GAB2: variants seen among roughly 807,000 people sequenced by gnomAD.
The protein encoded by GAB2 is GRB2-associated-binding protein 2.
GAB2 carries 26 observed loss-of-function variants against 65.5 expected under a neutral mutation model. The observed-to-expected ratio is 0.40, with a 90% CI of 0.29 to 0.55. The LOEUF (loss-of-function observed/expected upper bound fraction) is 0.55, where lower values mean the gene tolerates loss of function less well. Among genes scored for constraint, GAB2 ranks in the 20% least tolerant of loss-of-function variants. The pLI is 0.53. For missense variants in GAB2, 884 were observed against 875.8 expected (o/e 1.01, Z -0.12); for synonymous variants, 321 against 329.6 (o/e 0.97, Z 0.28).
At chr11:78,342,259 C>G (rs961728162) in intron 1 of GAB2, among the ~76,000 whole-genome samples, 1 of 152,152 alleles carries the variant, frequency 6.6e-6, no homozygotes, top group African/African-American at 2.4e-5. Flanking sequence ...ATTCTCACAT[C>G]GCATTATTCC....
intron 1 of GAB2, among the ~76,000 whole-genome samples, chr11:78,345,088 C>A (rs1225408336): frequency 1.3e-5 from 2 of 152,006 alleles, no homozygotes; most frequent in Non-Finnish European, 2.9e-5. Context: ...AAGACCAGCC[C>A]GCGCAACATG....
intron 3 of GAB2, among the ~76,000 whole-genome samples, chr11:78,231,336 G>GTGTGTGTGTGTGT (rs1554975133): frequency 2.1e-5 from 3 of 145,796 alleles, no homozygotes; most frequent in Admixed American, 6.8e-5. Flanking sequence ...GCGCGTGTGT[G>GTGTGTGTGTGTGT]GTGTGTGTGT....
intron 3 of GAB2, 35 bp downstream of exon 3, chr11:78,250,122 C>T: frequency 6.2e-7 from 1 of 1,608,930 alleles, no homozygotes; most frequent in South Asian, 1.1e-5. Context: ...TGTGAGCGGT[C>T]ACTAACCCAC....
At chr11:78,314,340 C>T (rs1173078927) in intron 1 of GAB2, among the ~76,000 whole-genome samples, 9 of 152,236 alleles carry the variant, frequency 5.9e-5, no homozygotes, top group Non-Finnish European at 1.2e-4. Context: ...ATATGACATG[C>T]CAAAATTCTT....
chr11:78,393,142 T>C (rs889030237), intron 1 of GAB2, among the ~76,000 whole-genome samples: 2 of 152,160 alleles, frequency 1.3e-5, no homozygotes, highest in African/African-American at 4.8e-5. Context: ...AGGCAGGCCT[T>C]GAAACTGAGT....
rs1490679978 is a variant in GAB2, at chr11:78,216,790, G to A, written c.*2482C>T. 1.3e-5 allele frequency: 2 copies of A among 152,278 alleles called. No individual in the cohort carries two copies. The highest frequency in any genetic ancestry group is 2.9e-5 in the Non-Finnish European group (2 of 68,106). 9.4% of individuals were successfully genotyped at this position (152,278 alleles called of 1,614,324 possible). ...TGTGGCTGCTGCGGGTACAGGGAAGGCACCAGTTAAAAGCTCTGTCGTATG... is the reference window on the plus strand; with the variant it reads ...TGTGGCTGCTGCGGGTACAGGGAAGACACCAGTTAAAAGCTCTGTCGTATG... On this transcript the variant is annotated 3_prime_UTR_variant, in exon 10 of 10. Transcript: ENST00000361507.
At chr11:78,398,467 CCAG>C (rs1856930215) in intron 1 of GAB2, among the ~76,000 whole-genome samples, 1 of 152,058 alleles carries the variant, frequency 6.6e-6, no homozygotes, top group African/African-American at 2.4e-5. Flanking sequence ...TTTAAATATT[CCAG>C]CAAAGAAACA....
intron 1 of GAB2, among the ~76,000 whole-genome samples, chr11:78,294,602 G>A (rs1430575952): frequency 2.0e-5 from 3 of 151,954 alleles, no homozygotes; most frequent in Admixed American, 6.6e-5. Context: ...TTTAATGATC[G>A]CCATTTGACA....
At chr11:78,282,703 C>A (rs1866368102) in intron 1 of GAB2, among the ~76,000 whole-genome samples, 1 of 152,066 alleles carries the variant, frequency 6.6e-6, no homozygotes, top group African/African-American at 2.4e-5. Flanking sequence ...TCCCTACCTA[C>A]CCCATAGGGT....
At position 78,369,208 on chromosome 11, in the gene GAB2, G is replaced by C. The variant is rs1856537118; in HGVS notation, c.75+48438C>G. On this transcript the variant is annotated intron_variant, in intron 1 of 9. Coordinates refer to ENST00000361507, the MANE Select transcript of GAB2 (RefSeq NM_080491.3). ...CCAGGAAAATTTATCATCCCTGCTGGTCTCCAGTTCATTGTATTAATCAAT... is the reference window on the plus strand; with the variant it reads ...CCAGGAAAATTTATCATCCCTGCTGCTCTCCAGTTCATTGTATTAATCAAT... Among the ~76,000 whole-genome samples the C allele has an allele frequency of 2.0e-5, 3 of 151,760 alleles. No individual in the cohort carries two copies. In the South Asian group the frequency reaches 6.3e-4, roughly 32 times the overall value.
At chr11:78,269,607 G>C (rs975962684) in intron 2 of GAB2, among the ~76,000 whole-genome samples, 1 of 152,226 alleles carries the variant, frequency 6.6e-6, no homozygotes, top group Non-Finnish European at 1.5e-5. Flanking sequence ...GGATGCTGAA[G>C]ACTTCCCCAA....
chr11:78,406,386 T>A lies in GAB2; in HGVS notation c.75+11260A>T, dbSNP rs879349737. Among the ~76,000 whole-genome samples, 322 of 151,590 alleles carry A rather than the reference T, an allele frequency of 2.1e-3. 2 individuals are homozygous for A. The highest frequency in any genetic ancestry group is 3.5e-3 in the South Asian group (17 of 4,824). On this transcript the variant is annotated intron_variant, in intron 1 of 9. Transcript: ENST00000361507. ...TACAAAAATGTCCACGTTTAATTTT[T>A]TTTTTTTTTGAGACAGAATCTTGCT...
chr11:78,405,959 G>A (rs1394279096), intron 1 of GAB2, among the ~76,000 whole-genome samples: 1 of 152,198 alleles, frequency 6.6e-6, no homozygotes, highest in African/African-American at 2.4e-5. Flanking sequence ...ACACCGCAGA[G>A]CAAACTGTGG....
At chr11:78,289,814 CTTTTTTT>C (rs56926225) in intron 1 of GAB2, among the ~76,000 whole-genome samples, 17 of 83,622 alleles carry the variant, frequency 2.0e-4, no homozygotes, top group Admixed American at 6.8e-4. Flanking sequence ...AGAACAGGAC[CTTTTTTT>C]TTTTTTTTTT....
chr11:78,331,779 C>A (rs1855919034), intron 1 of GAB2, among the ~76,000 whole-genome samples: 1 of 152,014 alleles, frequency 6.6e-6, no homozygotes, highest in African/African-American at 2.4e-5. Context: ...CACAATAGAC[C>A]AAGGGGATTG....
intron 2 of GAB2, among the ~76,000 whole-genome samples, chr11:78,260,541 G>A (rs930993841): frequency 2.7e-5 from 4 of 149,748 alleles, no homozygotes; most frequent in Admixed American, 6.7e-5. Context: ...GTGCGATCTT[G>A]GCTCACTGAA....
intron 1 of GAB2, among the ~76,000 whole-genome samples, chr11:78,344,251 G>A (rs117659562): frequency 6.6e-5 from 10 of 152,292 alleles, no homozygotes; most frequent in Non-Finnish European, 1.0e-4. Flanking sequence ...AGAAAAATGT[G>A]TCAAGATGAA....
chr11:78,312,488 C>T (rs572136435), intron 1 of GAB2, among the ~76,000 whole-genome samples: 22 of 152,302 alleles, frequency 1.4e-4, no homozygotes, highest in Middle Eastern at 6.8e-3. Context: ...TGCAGTGGCA[C>T]GATCTCAGCT....
At chr11:78,396,330 C>T (rs551157147) in intron 1 of GAB2, among the ~76,000 whole-genome samples, 99 of 152,212 alleles carry the variant, frequency 6.5e-4, no homozygotes, top group Non-Finnish European at 8.2e-4. Flanking sequence ...AAAATATCTA[C>T]TGTTGTTAAC....
Sources: allele counts gnomAD v4.1 joint callset (sites outside exome capture counted in the v4.1 genomes callset), GRCh38; gene constraint gnomAD v4.1.1; transcripts MANE v1.5; gene names NCBI Gene and HGNC (gene_info 2026-07-23, HGNC 2026-07-21).